The following EYA1 variants were observed in gnomAD, a reference collection of about 807,000 sequenced individuals.
The protein encoded by EYA1 is protein phosphatase EYA1.
Under a neutral mutation model 82.0 loss-of-function variants are expected in EYA1, and 16 were observed. The ratio of observed to expected loss-of-function variants is 0.20; its 90% CI spans 0.13 to 0.30. The LOEUF is 0.30. Ranked by LOEUF, EYA1 falls within the 10% of genes least tolerant of loss-of-function variation. The probability of loss-of-function intolerance (pLI) is 1.00; values close to 1 mark genes in which losing one functional copy is unlikely to be tolerated. For synonymous variants in EYA1, 261 were observed against 264.4 expected (o/e 0.99, Z 0.12); for missense variants, 633 against 730.7 (o/e 0.87, Z 1.54).
intron 12 of EYA1, among the ~76,000 whole-genome samples, chr8:71,220,891 C>T (rs1809818916): frequency 6.6e-6 from 1 of 152,152 alleles, no homozygotes; most frequent in African/African-American, 2.4e-5. Context: ...CCTGTGCCTG[C>T]AGATCCCAGC....
chr8:71,340,804 T>C, intron 3 of EYA1, among the ~76,000 whole-genome samples: 1 of 152,174 alleles, frequency 6.6e-6, no homozygotes, highest in Non-Finnish European at 1.5e-5. Context: ...TACATGATTG[T>C]ATCTCTACAG....
chr8:71,488,994 T>C (rs1009229665), intron 2 of EYA1, among the ~76,000 whole-genome samples: 1 of 152,222 alleles, frequency 6.6e-6, no homozygotes, highest in Non-Finnish European at 1.5e-5. Context: ...TTTTACTCTA[T>C]GGATGTTATT....
At chr8:71,519,237 T>A (rs1310519475) in intron 2 of EYA1, among the ~76,000 whole-genome samples, 1 of 152,174 alleles carries the variant, frequency 6.6e-6, no homozygotes, top group African/African-American at 2.4e-5. Flanking sequence ...ACTTTAAAGA[T>A]CTCATAGACT....
At chr8:71,440,616 A>G (rs1806358666) in intron 2 of EYA1, among the ~76,000 whole-genome samples, 1 of 152,116 alleles carries the variant, frequency 6.6e-6, no homozygotes, top group Non-Finnish European at 1.5e-5. Flanking sequence ...AACTACTGGG[A>G]TCTAAAATGT....
intron 2 of EYA1, among the ~76,000 whole-genome samples, chr8:71,526,509 G>C (rs1422511267): frequency 6.6e-6 from 1 of 152,136 alleles, no homozygotes; most frequent in Non-Finnish European, 1.5e-5. Context: ...GGTCTCATGA[G>C]AACATATCTT....
chr8:71,250,175 G>A (rs962013292), intron 11 of EYA1, among the ~76,000 whole-genome samples: 3 of 151,932 alleles, frequency 2.0e-5, no homozygotes, highest in Non-Finnish European at 4.4e-5. Context: ...CATTTAACAA[G>A]TACAAAAGAC....
chr8:71,322,219 T>C lies in EYA1; in HGVS notation c.252A>G (p.Pro84=). 6.2e-7 allele frequency: 1 copy of C among 1,613,956 alleles called. No individual in the cohort carries two copies. Among genetic ancestry groups the C allele is most frequent in the Admixed American group, 1.7e-5 (1 of 60,020 alleles). ...CTTACTTGGAAGGGTAAATCTGTGG[T>C]GGAGAGAACTGGTGAGTTGGTCGTG... ...FSPRPTHQFS[P]PQIYPSNRPY... Residue 84 remains proline, a synonymous_variant, in exon 5 of 18, where the codon CCA becomes CCG. Coordinates refer to ENST00000340726, the MANE Select transcript of EYA1 (RefSeq NM_000503.6).
chr8:71,287,242 T>C (rs1040366544), intron 9 of EYA1, among the ~76,000 whole-genome samples: 12 of 152,218 alleles, frequency 7.9e-5, no homozygotes, highest in African/African-American at 2.9e-4. Context: ...ATTGTAATAA[T>C]TTTGTTTTCA....
chr8:71,365,602 A>G (rs1219918006), upstream of EYA1, among the ~76,000 whole-genome samples: 1 of 152,230 alleles, frequency 6.6e-6, no homozygotes, highest in Non-Finnish European at 1.5e-5. Flanking sequence ...AAAATACTAT[A>G]CTTCCAGTCT....
chr8:71,402,250 T>C (rs889838352), intron 2 of EYA1, among the ~76,000 whole-genome samples: 7 of 152,130 alleles, frequency 4.6e-5, no homozygotes, highest in African/African-American at 1.4e-4. Flanking sequence ...CAGGTTTTTT[T>C]CCCCTCCACT....
rs945102988 is a variant in EYA1, at chr8:71,198,093, C to T, written c.*1247G>A. ...ATTAGCATCGTGTGTCTTCCTTTATCGAAAGAAAATGCAGACACGATAATT... is the reference window on the plus strand; with the variant it reads ...ATTAGCATCGTGTGTCTTCCTTTATTGAAAGAAAATGCAGACACGATAATT... On this transcript the variant is annotated 3_prime_UTR_variant, in exon 18 of 18. Coordinates refer to ENST00000340726, the MANE Select transcript of EYA1 (RefSeq NM_000503.6). 7 of 152,280 alleles carry T rather than the reference C, an allele frequency of 4.6e-5. No homozygotes were observed. Among genetic ancestry groups the T allele is most frequent in the South Asian group, 2.1e-4 (1 of 4,816 alleles). The allele number at this position is 152,280 out of a possible 1,614,324, so 9.4% of individuals were successfully genotyped here.
At chr8:71,400,321 C>T (rs1428960237) in intron 2 of EYA1, among the ~76,000 whole-genome samples, 1 of 152,154 alleles carries the variant, frequency 6.6e-6, no homozygotes, top group African/African-American at 2.4e-5. Context: ...TAAAGAGCTT[C>T]TGCACAGCAA....
intron 2 of EYA1, among the ~76,000 whole-genome samples, chr8:71,494,443 C>T (rs549220778): frequency 6.6e-6 from 1 of 152,100 alleles, no homozygotes; most frequent in African/African-American, 2.4e-5. Flanking sequence ...TAAATGAAGA[C>T]GTAATCAATA....
At chr8:71,485,047 A>G (rs1810458143) in intron 2 of EYA1, among the ~76,000 whole-genome samples, 1 of 152,248 alleles carries the variant, frequency 6.6e-6, no homozygotes, top group Non-Finnish European at 1.5e-5. Flanking sequence ...GAGTCCAAGG[A>G]CAAAAACTCT....
intron 17 of EYA1, among the ~76,000 whole-genome samples, chr8:71,202,746 T>C (rs1205492046): frequency 6.6e-6 from 1 of 152,194 alleles, no homozygotes; most frequent in African/African-American, 2.4e-5. Context: ...CTGCATTCTT[T>C]CATGGCATGC....
chr8:71,501,599 G>C (rs751969193), intron 2 of EYA1, among the ~76,000 whole-genome samples: 34 of 152,176 alleles, frequency 2.2e-4, no homozygotes, highest in Non-Finnish European at 4.7e-4. Context: ...AGCAGGAAAA[G>C]TCTTAGCTCA....
At chr8:71,313,035 G>A (rs1821523428) in intron 7 of EYA1, among the ~76,000 whole-genome samples, 1 of 152,092 alleles carries the variant, frequency 6.6e-6, no homozygotes, top group Admixed American at 6.6e-5. Flanking sequence ...ACAAGGACTT[G>A]GTTGATGACT....
chr8:71,331,538 A>T (rs1297398056), intron 4 of EYA1, among the ~76,000 whole-genome samples: 2 of 150,604 alleles, frequency 1.3e-5, no homozygotes, highest in Admixed American at 6.6e-5. Flanking sequence ...TGAAAATAAG[A>T]CAAAAGCAGA....
chr8:71,258,452 A>C (rs1277511153), intron 11 of EYA1, among the ~76,000 whole-genome samples: 1 of 152,196 alleles, frequency 6.6e-6, no homozygotes, highest in African/African-American at 2.4e-5. Context: ...ATTTATCCAC[A>C]GGGAAACTCA....
Sources: gnomAD v4.1 joint callset for allele counts (sites outside exome capture counted in the v4.1 genomes callset) on GRCh38, gnomAD v4.1.1 for gene constraint, MANE v1.5 for transcripts, NCBI Gene and HGNC (gene_info 2026-07-23, HGNC 2026-07-21) for gene names.